Variants in SF3B6 observed in about 807,000 individuals in gnomAD.
SF3B6 encodes splicing factor 3b subunit 6, also known as SF3b 14 kDa subunit.
SF3B6 carries 3 observed loss-of-function variants against 15.9 expected under a neutral mutation model. The observed-to-expected ratio is 0.19, with a 90% CI of 0.09 to 0.49. SF3B6 has a LOEUF of 0.49. Among genes scored for constraint, SF3B6 ranks in the 20% least tolerant of loss-of-function variants. The pLI is 0.97. For missense variants in SF3B6, 71 were observed against 154.3 expected (o/e 0.46, Z 2.86); for synonymous variants, 49 against 51.1 (o/e 0.96, Z 0.18).
At chr2:24,070,130 C>T (rs190365531) in intron 2 of SF3B6, among the ~76,000 whole-genome samples, 1 of 152,332 alleles carries the variant, frequency 6.6e-6, no homozygotes, top group East Asian at 1.9e-4. Flanking sequence ...GACTCTCCAT[C>T]TTAAGTGTCC....
intron 2 of SF3B6, among the ~76,000 whole-genome samples, chr2:24,069,552 C>T (rs529513205): frequency 6.2e-4 from 94 of 152,282 alleles, no homozygotes; most frequent in African/African-American, 2.3e-3. Context: ...CCCAGTGCAA[C>T]TGTGGAATGA....
intron 1 of SF3B6, 30 bp from the exon 2 acceptor site, chr2:24,074,224 A>G: frequency 8.5e-7 from 1 of 1,173,554 alleles, no homozygotes; most frequent in South Asian, 1.4e-5. Context: ...TTGTTATTAT[A>G]ATTAGGGGCA....
At position 24,074,257 on chromosome 2, in the gene SF3B6, T is replaced by G. The variant is rs536130909; in HGVS notation, c.31-63A>C. On this transcript the variant is annotated intron_variant, in intron 1 of 3. Coordinates refer to ENST00000233468, the MANE Select transcript of SF3B6 (RefSeq NM_016047.4). ...GCATTCTAAAAAATTATAATTTAAA[T>G]GCCCCTATAATTAGGGGCATTTTAA... 2.3e-4 allele frequency: 187 copies of G among 822,210 alleles called. 1 individual carries two copies. In the African/African-American group the frequency reaches 3.1e-3, roughly 13 times the overall value. 50.9% of individuals were successfully genotyped at this position (822,210 alleles called of 1,614,324 possible). A position where few individuals can be genotyped will look rare whatever the true frequency, so the allele number is the denominator to read the frequency against.
chr2:24,069,149 C>T (rs181063477), intron 2 of SF3B6, among the ~76,000 whole-genome samples: 4 of 152,334 alleles, frequency 2.6e-5, no homozygotes, highest in Admixed American at 1.3e-4. Flanking sequence ...ACCCGGTCTA[C>T]ATTCATTTTT....
chr2:24,068,507 T>C (rs1046364292), intron 2 of SF3B6, 48 bp from the exon 3 acceptor site: 1 of 1,515,578 alleles, frequency 6.6e-7, no homozygotes. Context: ...TACCTGAGCA[T>C]TGATAGTTGA....
At chr2:24,073,970 A>G in intron 2 of SF3B6, 106 bp downstream of exon 2, 4 of 723,984 alleles carry the variant, frequency 5.5e-6, no homozygotes, top group Non-Finnish European at 9.7e-6. Flanking sequence ...GGCTCTTGGT[A>G]AGGGTTGTCG....
chr2:24,073,981 C>T, intron 2 of SF3B6, 95 bp downstream of exon 2: 2 of 783,320 alleles, frequency 2.6e-6, no homozygotes, highest in East Asian at 2.5e-5. Context: ...AGGGTTGTCG[C>T]ACTGCACACA....
rs191307937 is a variant in SF3B6 at position 24,075,838 on chromosome 2, G to A, written c.30+362C>T. ...GCACCATGATCTGAGGGGAATCCCAGGTCCTAGTTGTTGGTGAACCATTAA... is the reference window on the plus strand; with the variant it reads ...GCACCATGATCTGAGGGGAATCCCAAGTCCTAGTTGTTGGTGAACCATTAA... On this transcript the variant is annotated intron_variant, in intron 1 of 3. Coordinates refer to ENST00000233468, the MANE Select transcript of SF3B6 (RefSeq NM_016047.4). Among the ~76,000 whole-genome samples the A allele has an allele frequency of 3.5e-3, 534 of 152,138 alleles. 3 individuals are homozygous for A. Among genetic ancestry groups the A allele is most frequent in the Non-Finnish European group, 4.7e-3 (318 of 68,008 alleles).
chr2:24,075,333 T>TTTTCTTTC (rs36188791), intron 1 of SF3B6, among the ~76,000 whole-genome samples: 44 of 132,434 alleles, frequency 3.3e-4, no homozygotes, highest in African/African-American at 1.2e-3. Flanking sequence ...ATTGCTTGTC[T>TTTTCTTTC]TTTCTTTCTT....
chr2:24,076,133 C>T, intron 1 of SF3B6, 67 bp downstream of exon 1: 1 of 1,597,610 alleles, frequency 6.3e-7, no homozygotes, highest in Non-Finnish European at 8.6e-7. Flanking sequence ...AAGAATGCTC[C>T]GATCCACGCC....
chr2:24,073,966 T>C, intron 2 of SF3B6, 110 bp downstream of exon 2: 1 of 715,862 alleles, frequency 1.4e-6, no homozygotes, highest in Non-Finnish European at 2.5e-6. Context: ...TCAAGGCTCT[T>C]GGTAAGGGTT....
chr2:24,072,160 AT>A (rs35256197), intron 2 of SF3B6, among the ~76,000 whole-genome samples: 3 of 149,982 alleles, frequency 2.0e-5, no homozygotes, highest in East Asian at 3.9e-4. Context: ...TAATTTTTGT[AT>A]TTTTTTTTAG....
intron 1 of SF3B6, among the ~76,000 whole-genome samples, chr2:24,075,708 T>A (rs1026978306): frequency 1.3e-5 from 2 of 151,938 alleles, no homozygotes; most frequent in African/African-American, 4.8e-5. Flanking sequence ...TAGTAGCTAT[T>A]CAATAAATAT....
Position 24,068,681 on chromosome 2 carries a change from C to T in SF3B6, c.150-222G>A, listed in dbSNP as rs1191859676. The stretch of plus-strand genomic sequence containing the variant: ...ATTTCTTGAATTAGGTAATTTTGTT[C>T]TTCGTTTTTATCTTAACTAAAATAT... On this transcript the variant is annotated intron_variant, in intron 2 of 3. Coordinates refer to ENST00000233468, the MANE Select transcript of SF3B6 (RefSeq NM_016047.4). Among the ~76,000 whole-genome samples, 7 of 152,280 alleles carry T rather than the reference C, an allele frequency of 4.6e-5. No homozygotes were observed. In the South Asian group the frequency reaches 1.5e-3, roughly 32 times the overall value.
At chr2:24,068,577 T>A in intron 2 of SF3B6, 118 bp from the exon 3 acceptor site, 1 of 912,330 alleles carries the variant, frequency 1.1e-6, no homozygotes, top group Non-Finnish European at 1.6e-6. Context: ...TTGAAATACG[T>A]TTTTAGTTAA....
At position 24,076,190 on chromosome 2, in the gene SF3B6, C is replaced by T; in HGVS notation, c.30+10G>A. 6.2e-7 allele frequency: 1 copy of T among 1,614,192 alleles called. No homozygotes were observed. Among genetic ancestry groups the T allele is most frequent in the Non-Finnish European group, 8.5e-7 (1 of 1,180,030 alleles). ...GTTCTCCCACCCTCCGCAGAACACC[C>T]GATACTCACGTTCGCCCTCTTGGCC... On this transcript the variant is annotated intron_variant, in intron 1 of 3. Coordinates refer to ENST00000233468, the MANE Select transcript of SF3B6 (RefSeq NM_016047.4).
At chr2:24,072,316 G>GTAT (rs778204128) in intron 2 of SF3B6, among the ~76,000 whole-genome samples, 4 of 152,074 alleles carry the variant, frequency 2.6e-5, no homozygotes, top group Non-Finnish European at 4.4e-5. Context: ...TATTCATTTA[G>GTAT]TATACATCGG....
chr2:24,075,704 C>T (rs995536040), intron 1 of SF3B6, among the ~76,000 whole-genome samples: 1 of 151,690 alleles, frequency 6.6e-6, no homozygotes, highest in Non-Finnish European at 1.5e-5. Context: ...CACATAGTAG[C>T]TATTCAATAA....
At chr2:24,072,855 G>T (rs1464430763) in intron 2 of SF3B6, among the ~76,000 whole-genome samples, 1 of 152,184 alleles carries the variant, frequency 6.6e-6, no homozygotes, top group Non-Finnish European at 1.5e-5. Context: ...GCAGGGATTC[G>T]CCATGTTGGC....
Sources: gnomAD v4.1 joint callset for allele counts (sites outside exome capture counted in the v4.1 genomes callset) on GRCh38, gnomAD v4.1.1 for gene constraint, MANE v1.5 for transcripts, NCBI Gene and HGNC (gene_info 2026-07-23, HGNC 2026-07-21) for gene names.